Variants in SLC4A3 observed in about 807,000 individuals in gnomAD.
SLC4A3 encodes solute carrier family 4 member 3, also known as anion exchange protein 3.
SLC4A3 carries 47 observed loss-of-function variants against 114.2 expected under a neutral mutation model. The ratio of observed to expected loss-of-function variants is 0.41; its 90% CI spans 0.33 to 0.52. The LOEUF (loss-of-function observed/expected upper bound fraction) is 0.52. Ranked by LOEUF, SLC4A3 falls within the 20% of genes least tolerant of loss-of-function variation. The pLI, the probability that SLC4A3 is intolerant of heterozygous loss-of-function variation, is 0.21. For synonymous variants in SLC4A3, 693 were observed against 710.3 expected (o/e 0.98, Z 0.39); for missense variants, 1,312 against 1,668.3 (o/e 0.79, Z 3.72).
At position 219,636,059 on chromosome 2, in the gene SLC4A3, C is replaced by T. The variant is rs777072001; in HGVS notation, c.2191+168C>T. Among the ~76,000 whole-genome samples, 41 of 152,198 alleles carry T rather than the reference C, an allele frequency of 2.7e-4. No individual in the cohort carries two copies. The highest frequency in any genetic ancestry group is 4.9e-4 in the Non-Finnish European group (33 of 68,006). ...GAGATGCTGGATCAGGGAATCCCAG[C>T]GATCACCTTTGGGGAGCTATAAAGT... On this transcript the variant is annotated intron_variant, in intron 14 of 22. Transcript: ENST00000358055. This position sits in a 1 kb window ranked among gnomAD's most constrained non-coding sequence, Gnocchi z 5.5.
Position 219,630,325 on chromosome 2 carries a change from G to T in SLC4A3, c.784G>T (p.Gly262Cys). ...PTDEAEAQML[G>C]SADLDDMKSH... is the part of the protein sequence containing the mutation. ...AGATGAGGCGGAGGCCCAGATGCTG[G>T]GTTCTGCAGACCTGGACGACATGAA... is the stretch of plus-strand genomic sequence containing the variant. Residue 262 changes from glycine (G) to cysteine (C), a missense_variant, in exon 6 of 23, where the codon GGT (glycine) becomes TGT (cysteine). Around this residue, in one of 4 missense-constraint regions of SLC4A3, gnomAD observed 771 missense variants for 977.7 expected, o/e 0.79. Transcript: ENST00000358055. The surrounding 1 kb of genome is among the most constrained non-coding windows in gnomAD (Gnocchi z 6.9). 6.2e-7 allele frequency: 1 copy of T among 1,609,870 alleles called. No individual in the cohort carries two copies.
At chr2:219,640,728 T>C (rs1251251482) in intron 21 of SLC4A3, 61 bp from the exon 22 acceptor site, 42 of 1,578,128 alleles carry the variant, frequency 2.7e-5, no homozygotes, top group Non-Finnish European at 3.2e-5. Flanking sequence ...TTCCCCACGA[T>C]GTGGGTGGGT....
chr2:219,636,765 C>A lies in SLC4A3; in HGVS notation c.2426C>A (p.Ala809Asp). ...WLVVFVLALVAAEGSFLVRYI... is the reference protein window; with the variant it reads ...WLVVFVLALVDAEGSFLVRYI... ...GTGGTCTTCGTCCTTGCCCTGGTGG[C>A]CGCCGAAGGCAGCTTCCTGGTCCGC... is the stretch of plus-strand genomic sequence containing the variant. The change falls in exon 16 of 23, where the codon GCC becomes GAC. Residue 809 changes from alanine to aspartate, a missense_variant. Transcript: ENST00000358055. The surrounding 1 kb of genome is among the most constrained non-coding windows in gnomAD (Gnocchi z 5.5). 6.2e-7 allele frequency: 1 copy of A among 1,614,042 alleles called. No homozygotes were observed.
In SLC4A3 at chr2:219,637,862, T is replaced by C. The variant is rs374845807; in HGVS notation, c.2766+51T>C. Reference sequence around the variant, plus strand: ...CCCAAGAGTCCCACAATTCCTGCTGTAGGAGCTCCCCAGAGAGGCTGCACC... The same window carrying C: ...CCCAAGAGTCCCACAATTCCTGCTGCAGGAGCTCCCCAGAGAGGCTGCACC... On this transcript the variant is annotated intron_variant, in intron 17 of 22. Coordinates refer to ENST00000358055, the MANE Select transcript of SLC4A3 (RefSeq NM_005070.4). The surrounding 1 kb of genome is among the most constrained non-coding windows in gnomAD (Gnocchi z 4.6). The C allele has an allele frequency of 1.7e-4, 249 of 1,428,380 alleles. 1 individual carries two copies. The highest frequency in any genetic ancestry group is 9.6e-4 in the Middle Eastern group (5 of 5,208). The allele number at this position is 1,428,380 out of a possible 1,614,324, so 88.5% of individuals were successfully genotyped here.
At chr2:219,640,408 G>A (rs760376052) in intron 20 of SLC4A3, 22 bp from the exon 21 acceptor site, 85 of 1,602,548 alleles carry the variant, frequency 5.3e-5, no homozygotes, top group Non-Finnish European at 5.8e-5. Flanking sequence ...AGGGTCAGGC[G>A]GGTCTGTGTC....
Position 219,631,830 on chromosome 2 carries a change from A to T in SLC4A3, c.812-138A>T, listed in dbSNP as rs909055342. Reference sequence around the variant, plus strand: ...CTTATCAATGAAATGGCCACATGGGATTATGTGGTTCCCGTCGGCATGGCC... The same window carrying T: ...CTTATCAATGAAATGGCCACATGGGTTTATGTGGTTCCCGTCGGCATGGCC... On this transcript the variant is annotated intron_variant, in intron 6 of 22. Coordinates refer to ENST00000358055, the MANE Select transcript of SLC4A3 (RefSeq NM_005070.4). The surrounding 1 kb of genome is among the most constrained non-coding windows in gnomAD (Gnocchi z 6.3). 1 of 923,984 alleles carries T rather than the reference A, an allele frequency of 1.1e-6. No homozygotes were observed. The highest frequency in any genetic ancestry group is 2.5e-5 in the East Asian group (1 of 40,468). 57.2% of individuals were successfully genotyped at this position (923,984 alleles called of 1,614,324 possible).
At position 219,632,086 on chromosome 2, in the gene SLC4A3, G is replaced by GAAGAAA; in HGVS notation, c.934_939dup (p.Lys312_Lys313dup). On this transcript the variant is annotated inframe_insertion, in exon 7 of 23. Transcript: ENST00000358055. Reference sequence around the variant, plus strand: ...CCCCCATCCTTCGCAGGAAGAAGAAGAAGAAAAAGCTGGACCGGAGGCCTC... The same window carrying GAAGAAA: ...CCCCCATCCTTCGCAGGAAGAAGAAGAAGAAAAAGAAAAAGCTGGACCGGAGGCCTC... 1.2e-6 allele frequency: 2 copies of GAAGAAA among 1,613,790 alleles called. No individual in the cohort carries two copies. Among genetic ancestry groups the GAAGAAA allele is most frequent in the Non-Finnish European group, 1.7e-6 (2 of 1,179,978 alleles).
In SLC4A3 at chr2:219,638,952, A is replaced by G. The variant is rs2106202688; in HGVS notation, c.3023+83A>G. 6.9e-7 allele frequency: 1 copy of G among 1,443,828 alleles called. No homozygotes were observed. Among genetic ancestry groups the G allele is most frequent in the Non-Finnish European group, 9.5e-7 (1 of 1,048,300 alleles). 89.4% of individuals were successfully genotyped at this position (1,443,828 alleles called of 1,614,324 possible). On this transcript the variant is annotated intron_variant, in intron 19 of 22. Transcript: ENST00000358055. This position sits in a 1 kb window ranked among gnomAD's most constrained non-coding sequence, Gnocchi z 7.5. Reference sequence around the variant, plus strand: ...GCTTGGTTTCAGGGTTATAGCAGGGACATCATTATCAGTATCAGGGTGCTG... The same window carrying G: ...GCTTGGTTTCAGGGTTATAGCAGGGGCATCATTATCAGTATCAGGGTGCTG...
Position 219,627,948 on chromosome 2 carries a change from C to T in SLC4A3, c.-45C>T, listed in dbSNP as rs773853173. The stretch of plus-strand genomic sequence containing the variant: ...TGGCCCCTCCTTCTCACCTGGGTCT[C>T]GGGTCCCCTAGTGAGCGAGAGCGTC... On this transcript the variant is annotated 5_prime_UTR_variant, in exon 2 of 23. Coordinates refer to ENST00000358055, the MANE Select transcript of SLC4A3 (RefSeq NM_005070.4). The T allele has an allele frequency of 2.5e-6, 4 of 1,576,118 alleles. No homozygotes were observed. Among genetic ancestry groups the T allele is most frequent in the Non-Finnish European group, 1.7e-6 (2 of 1,155,500 alleles).
chr2:219,639,478 G>A lies in SLC4A3; in HGVS notation c.3024-4G>A. On this transcript the variant is annotated splice_polypyrimidine_tract_variant and splice_region_variant and intron_variant, in intron 19 of 22. Coordinates refer to ENST00000358055, the MANE Select transcript of SLC4A3 (RefSeq NM_005070.4). This position sits in a 1 kb window ranked among gnomAD's most constrained non-coding sequence, Gnocchi z 5.9. ...ACACCCCGCTCCCCACCTTCTCCCT[G>A]CAGGCTTATCGTCAGCCAGAAGGCG... The A allele has an allele frequency of 6.2e-7, 1 of 1,611,302 alleles. No individual in the cohort carries two copies.
rs1332932453 is a variant in SLC4A3, at chr2:219,628,321, T to C, written c.52-84T>C. On this transcript the variant is annotated intron_variant, in intron 2 of 22. Coordinates refer to ENST00000358055, the MANE Select transcript of SLC4A3 (RefSeq NM_005070.4). This position sits in a 1 kb window ranked among gnomAD's most constrained non-coding sequence, Gnocchi z 4.8. The stretch of plus-strand genomic sequence containing the variant: ...CCGATGGTGTGAGAGCCTGCTGAGC[T>C]CCCCCAACTAGGGCTTGGAGTTGGG... 1.2e-5 allele frequency: 17 copies of C among 1,378,078 alleles called. No individual in the cohort carries two copies. The highest frequency in any genetic ancestry group is 1.7e-5 in the Non-Finnish European group (17 of 1,026,380). The allele number at this position is 1,378,078 out of a possible 1,614,324, so 85.4% of individuals were successfully genotyped here.
chr2:219,628,525 G>A lies in SLC4A3; in HGVS notation c.172G>A (p.Asp58Asn). The A allele has an allele frequency of 6.2e-7, 1 of 1,613,568 alleles. No individual in the cohort carries two copies. Among genetic ancestry groups the A allele is most frequent in the Non-Finnish European group, 8.5e-7 (1 of 1,179,842 alleles). ...GDLISKPPAW[D>N]PEKPSRSYSE... ...CCTCATCAGCAAGCCCCCGGCCTGGGACCCCGAGAAGCCCAGCCGCAGCTA... is the reference window on the plus strand; with the variant it reads ...CCTCATCAGCAAGCCCCCGGCCTGGAACCCCGAGAAGCCCAGCCGCAGCTA... The change falls in exon 3 of 23, where the codon GAC (aspartate) becomes AAC (asparagine). Residue 58 changes from aspartate (D) to asparagine (N), a missense_variant. Asp to Asn is a conservative substitution (Grantham distance 23). Around this residue, in one of 4 missense-constraint regions of SLC4A3, gnomAD observed 236 missense variants for 212.1 expected, o/e 1.11. Coordinates refer to ENST00000358055, the MANE Select transcript of SLC4A3 (RefSeq NM_005070.4). The surrounding 1 kb of genome is among the most constrained non-coding windows in gnomAD (Gnocchi z 4.8).
chr2:219,640,291 C>T (rs1699279787), intron 20 of SLC4A3, 139 bp from the exon 21 acceptor site: 2 of 617,292 alleles, frequency 3.2e-6, no homozygotes. Flanking sequence ...TCCAGTGGGT[C>T]CATGTCGCCT....
In SLC4A3 at chr2:219,638,333, T is replaced by G; in HGVS notation, c.2856+80T>G. On this transcript the variant is annotated intron_variant, in intron 18 of 22. Coordinates refer to ENST00000358055, the MANE Select transcript of SLC4A3 (RefSeq NM_005070.4). The surrounding 1 kb of genome is among the most constrained non-coding windows in gnomAD (Gnocchi z 7.5). ...GCCCACAACACACTTCCATGGGCCCTGGGATTGGGATCAGGCCTGAACTCA... is the reference window on the plus strand; with the variant it reads ...GCCCACAACACACTTCCATGGGCCCGGGGATTGGGATCAGGCCTGAACTCA... The G allele has an allele frequency of 2.7e-6, 3 of 1,097,012 alleles. No individual in the cohort carries two copies. Among genetic ancestry groups the G allele is most frequent in the Non-Finnish European group, 4.1e-6 (3 of 735,852 alleles). 68.0% of individuals were successfully genotyped at this position (1,097,012 alleles called of 1,614,324 possible).
intron 10 of SLC4A3, 61 bp from the exon 11 acceptor site, chr2:219,633,819 G>A (rs1305025913): frequency 1.3e-6 from 2 of 1,548,740 alleles, no homozygotes; most frequent in Admixed American, 3.9e-5. Context: ...AGCCAGGGCT[G>A]GGAGGGCCTG....
chr2:219,633,551 G>T lies in SLC4A3; in HGVS notation c.1461+94G>T, dbSNP rs2106190757. Reference sequence around the variant, plus strand: ...CGACTTCACTGAGTGGGTTGGGAAGGTTGGATTGCTGGCATCATGCTGGGC... The same window carrying T: ...CGACTTCACTGAGTGGGTTGGGAAGTTTGGATTGCTGGCATCATGCTGGGC... On this transcript the variant is annotated intron_variant, in intron 10 of 22. Transcript: ENST00000358055. 2.5e-6 allele frequency: 3 copies of T among 1,184,300 alleles called. No homozygotes were observed. In the South Asian group the frequency reaches 5.2e-5, roughly 20 times the overall value. The allele number at this position is 1,184,300 out of a possible 1,614,324, so 73.4% of individuals were successfully genotyped here.
rs1699189992 is a variant in SLC4A3, at chr2:219,638,006, C to T, written c.2767-158C>T. On this transcript the variant is annotated intron_variant, in intron 17 of 22. Transcript: ENST00000358055. This position sits in a 1 kb window ranked among gnomAD's most constrained non-coding sequence, Gnocchi z 7.5. ...CAGAGAAGTCTAATCAAGACAACAG[C>T]CTCCCAGGCTGCGCTGGCACCTGTG... 6.6e-6 allele frequency among the ~76,000 whole-genome samples: 1 copy of T among 152,208 alleles called. No homozygotes were observed. Among genetic ancestry groups the T allele is most frequent in the South Asian group, 2.1e-4 (1 of 4,834 alleles).
At chr2:219,632,590 C>T (rs1166689560) in intron 8 of SLC4A3, 148 bp downstream of exon 8, 2 of 996,246 alleles carry the variant, frequency 2.0e-6, no homozygotes, top group African/African-American at 1.6e-5. Flanking sequence ...GCCTGGGCAG[C>T]CCGTGAGCCC....
chr2:219,627,815 A>G (rs1574641929), intron 1 of SLC4A3, 70 bp downstream of exon 1: 1 of 495,648 alleles, frequency 2.0e-6, no homozygotes, highest in East Asian at 3.6e-5. Flanking sequence ...TGGGCCTCGG[A>G]GGGGCGCTTG....
Sources: gnomAD v4.1 joint callset for allele counts (sites outside exome capture counted in the v4.1 genomes callset) on GRCh38, gnomAD v4.1.1 for gene constraint, gnomAD v4.1.1 regional missense constraint, Gnocchi (gnomAD v3.1) non-coding constraint, MANE v1.5 for transcripts, NCBI Gene and HGNC (gene_info 2026-07-23, HGNC 2026-07-21) for gene names.